The following CCDC171 variants were observed in gnomAD, a reference collection of about 807,000 sequenced individuals.
CCDC171 encodes coiled-coil domain-containing protein 171.
CCDC171 carries 177 observed loss-of-function variants against 168.2 expected under a neutral mutation model. That is an observed-to-expected ratio of 1.05 (90% CI 0.93 to 1.19). The LOEUF (loss-of-function observed/expected upper bound fraction) is 1.19, where lower values mean the gene tolerates loss of function less well. Among genes scored for constraint, CCDC171 ranks in the 50% most tolerant of loss-of-function variants. The pLI is 0.00. For missense variants in CCDC171, 1,991 were observed against 1,539.0 expected (o/e 1.29, Z -4.91); for synonymous variants, 687 against 540.8 (o/e 1.27, Z -3.75).
At chr9:15,950,197 T>A (rs1457692254) in intron 25 of CCDC171, among the ~76,000 whole-genome samples, 1 of 151,946 alleles carries the variant, frequency 6.6e-6, no homozygotes, top group African/African-American at 2.4e-5. Context: ...TTGGAAACAC[T>A]CTGCAGGATA....
chr9:15,883,785 G>C (rs914439884), intron 24 of CCDC171, among the ~76,000 whole-genome samples: 15 of 151,990 alleles, frequency 9.9e-5, no homozygotes, highest in Non-Finnish European at 2.1e-4. Flanking sequence ...AGGAAAATCT[G>C]GTAGGACTTC....
intron 21 of CCDC171, among the ~76,000 whole-genome samples, chr9:15,833,941 T>C (rs2060337486): frequency 1.3e-5 from 2 of 152,168 alleles, no homozygotes; most frequent in South Asian, 2.1e-4. Context: ...AGAATGACAA[T>C]ACTGTAGTAA....
At chr9:16,032,815 C>T (rs1316682565) in intron 6 of CCDC171, among the ~76,000 whole-genome samples, 1 of 152,122 alleles carries the variant, frequency 6.6e-6, no homozygotes, top group Non-Finnish European at 1.5e-5. Flanking sequence ...TAAGGATTAG[C>T]TCCTAGAACC....
At chr9:15,960,888 C>T (rs1160596815) in intron 25 of CCDC171, among the ~76,000 whole-genome samples, 1 of 152,024 alleles carries the variant, frequency 6.6e-6, no homozygotes, top group African/African-American at 2.4e-5. Context: ...AGAGCTTATA[C>T]CATGGTCAGT....
At chr9:15,559,741 A>G (rs1451544319) in intron 1 of CCDC171, among the ~76,000 whole-genome samples, 3 of 152,054 alleles carry the variant, frequency 2.0e-5, no homozygotes. Flanking sequence ...TTTAAAGTTA[A>G]TATTGGTATG....
chr9:15,864,653 A>G (rs1441733055), intron 23 of CCDC171, among the ~76,000 whole-genome samples: 2 of 152,082 alleles, frequency 1.3e-5, no homozygotes, highest in Admixed American at 6.6e-5. Context: ...AAGCACAACA[A>G]TTATATTAAA....
intron 9 of CCDC171, among the ~76,000 whole-genome samples, chr9:15,672,647 G>T (rs2049206672): frequency 6.6e-6 from 1 of 152,180 alleles, no homozygotes; most frequent in Admixed American, 6.5e-5. Context: ...GTTTGTTGAA[G>T]ATCAGATGGT....
chr9:15,705,427 C>T (rs2133943503), intron 11 of CCDC171, among the ~76,000 whole-genome samples: 1 of 152,144 alleles, frequency 6.6e-6, no homozygotes, highest in South Asian at 2.1e-4. Flanking sequence ...CACTACTCTC[C>T]CCTCCTTCCC....
intron 24 of CCDC171, among the ~76,000 whole-genome samples, chr9:15,900,908 G>A (rs1821543975): frequency 6.6e-6 from 1 of 152,092 alleles, no homozygotes; most frequent in South Asian, 2.1e-4. Context: ...GAGTCAACTA[G>A]CTCAGTTGCT....
At chr9:15,697,347 G>C (rs1206278153) in intron 11 of CCDC171, among the ~76,000 whole-genome samples, 3 of 152,038 alleles carry the variant, frequency 2.0e-5, no homozygotes, top group Non-Finnish European at 4.4e-5. Flanking sequence ...CTTGCTTTTG[G>C]TGCCTCATCA....
chr9:15,629,980 G>A (rs1163749717), intron 7 of CCDC171, among the ~76,000 whole-genome samples: 2 of 152,174 alleles, frequency 1.3e-5, no homozygotes, highest in East Asian at 3.8e-4. Context: ...CAAATGCTGA[G>A]AGATTTTGTC....
intron 1 of CCDC171, among the ~76,000 whole-genome samples, chr9:16,048,203 A>T (rs1833690834): frequency 6.6e-6 from 1 of 152,234 alleles, no homozygotes; most frequent in East Asian, 1.9e-4. Flanking sequence ...GAGCAAATTT[A>T]AGAGGTCTAA....
intron 7 of CCDC171, among the ~76,000 whole-genome samples, chr9:15,640,917 C>T (rs767071845): frequency 1.3e-5 from 2 of 151,820 alleles, no homozygotes; most frequent in African/African-American, 2.4e-5. Context: ...AACAAGTGTG[C>T]CCCCCTTCCC....
intron 25 of CCDC171, among the ~76,000 whole-genome samples, chr9:15,941,438 T>C (rs969342262): frequency 1.3e-5 from 2 of 151,896 alleles, no homozygotes; most frequent in Non-Finnish European, 2.9e-5. Flanking sequence ...TAATATACCA[T>C]TGAATAGATA....
chr9:15,806,406 G>A (rs551694209), intron 21 of CCDC171, among the ~76,000 whole-genome samples: 30 of 152,128 alleles, frequency 2.0e-4, no homozygotes, highest in Non-Finnish European at 3.8e-4. Context: ...GCTTTCTTCA[G>A]GAGCTCTTGT....
intron 25 of CCDC171, among the ~76,000 whole-genome samples, chr9:15,953,376 T>C (rs924763805): frequency 4.6e-5 from 7 of 152,128 alleles, no homozygotes; most frequent in Admixed American, 1.3e-4. Context: ...TTGTTGAGAG[T>C]TTTAAATTAG....
intron 11 of CCDC171, among the ~76,000 whole-genome samples, chr9:15,719,584 C>G (rs1209287852): frequency 6.6e-6 from 1 of 152,002 alleles, no homozygotes; most frequent in African/African-American, 2.4e-5. Context: ...AATAATTTAG[C>G]CATAGCAGAC....
intron 18 of CCDC171, among the ~76,000 whole-genome samples, chr9:15,764,320 C>CT (rs2056607873): frequency 6.6e-6 from 1 of 152,210 alleles, no homozygotes; most frequent in Non-Finnish European, 1.5e-5. Flanking sequence ...AAGATTATCT[C>CT]TGACTTCTAT....
intron 24 of CCDC171, among the ~76,000 whole-genome samples, chr9:15,880,378 G>A (rs1051540206): frequency 6.6e-6 from 1 of 151,858 alleles, no homozygotes; most frequent in African/African-American, 2.4e-5. Flanking sequence ...ATGGTACAGA[G>A]TGATCTTATG....
Sources: allele counts gnomAD v4.1 joint callset (sites outside exome capture counted in the v4.1 genomes callset), GRCh38; gene constraint gnomAD v4.1.1; transcripts MANE v1.5; gene names NCBI Gene and HGNC (gene_info 2026-07-23, HGNC 2026-07-21).